PCDHA9: variants seen among roughly 807,000 people sequenced by gnomAD.
PCDHA9 encodes protocadherin alpha-9.
PCDHA9 carries 62 observed loss-of-function variants against 62.0 expected under a neutral mutation model. The observed-to-expected ratio is 1.00, with a 90% CI of 0.81 to 1.23. PCDHA9 has a LOEUF of 1.23. Ranked by LOEUF, PCDHA9 falls within the 50% of genes most tolerant of loss-of-function variation. PCDHA9 has a pLI of 0.00. For synonymous variants in PCDHA9, 557 were observed against 567.6 expected, an observed-to-expected ratio of 0.98 and a Z score of 0.27; for missense variants, 1,205 against 1,249.8, an observed-to-expected ratio of 0.96 and a Z score of 0.54.
rs1331024860 is a variant in PCDHA9 at position 140,849,998 on chromosome 5, G to C, written c.1503G>C (p.Glu501Asp). The C allele has an allele frequency of 6.3e-7, 1 of 1,597,138 alleles. No individual in the cohort carries two copies. Among genetic ancestry groups the C allele is most frequent in the Admixed American group, 1.7e-5 (1 of 59,310 alleles). The stretch of plus-strand genomic sequence containing the variant: ...CGCTGGTGGAGCGGCGGTTGGGCGA[G>C]CGCTCGCTGTCGAGCTACGTGTCAG... ...SYSLVERRLG[E>D]RSLSSYVSVH... The change falls in exon 1 of 4, where the codon GAG (glutamate) becomes GAC (aspartate). Residue 501 changes from glutamate to aspartate, a missense_variant. By Grantham distance (45) the Glu-to-Asp change is conservative (BLOSUM62 2). Coordinates refer to ENST00000532602, the MANE Select transcript of PCDHA9 (RefSeq NM_031857.2).
intron 1 of PCDHA9, chr5:140,927,762 T>A (rs781993567): frequency 1.8e-5 from 29 of 1,613,934 alleles, no homozygotes; most frequent in Non-Finnish European, 2.4e-5. Context: ...ACCCTAAAAG[T>A]GGGGAGGTGC....
At chr5:140,967,970 C>T (rs2096204544) in intron 1 of PCDHA9, 2 of 1,614,202 alleles carry the variant, frequency 1.2e-6, no homozygotes, top group South Asian at 2.2e-5. Context: ...GAAAGTGAGC[C>T]TGGGTCTGGA....
At chr5:140,940,369 T>C (rs1554213311) in intron 1 of PCDHA9, among the ~76,000 whole-genome samples, 1 of 152,212 alleles carries the variant, frequency 6.6e-6, no homozygotes, top group Admixed American at 6.5e-5. Context: ...AAAGTATTCC[T>C]TGAGTTGTTA....
chr5:140,872,873 A>G (rs1419569928), intron 1 of PCDHA9, among the ~76,000 whole-genome samples: 1 of 152,204 alleles, frequency 6.6e-6, no homozygotes, highest in African/African-American at 2.4e-5. Flanking sequence ...GACAATTATC[A>G]GTTTCATTCA....
intron 1 of PCDHA9, among the ~76,000 whole-genome samples, chr5:140,963,886 T>C (rs1211703076): frequency 6.6e-6 from 1 of 152,236 alleles, no homozygotes; most frequent in African/African-American, 2.4e-5. Flanking sequence ...TTGTTTTCCT[T>C]AATTAAAATG....
intron 1 of PCDHA9, among the ~76,000 whole-genome samples, chr5:140,919,626 T>C (rs1554199177): frequency 6.6e-6 from 1 of 152,244 alleles, no homozygotes. Flanking sequence ...TTTTGAGTTA[T>C]TTTCACAGTA....
chr5:140,858,632 C>CT, intron 1 of PCDHA9: 1 of 1,018,812 alleles, frequency 9.8e-7, no homozygotes, highest in Non-Finnish European at 1.4e-6. Context: ...GTGTGTCAGC[C>CT]TTTGATTGGT....
intron 3 of PCDHA9, among the ~76,000 whole-genome samples, chr5:140,993,561 T>C (rs1282310511): frequency 6.6e-6 from 1 of 151,800 alleles, no homozygotes; most frequent in Non-Finnish European, 1.5e-5. Flanking sequence ...GTATATAGTA[T>C]CCTTTCTAGG....
rs1398153775 is a variant in PCDHA9, at chr5:140,869,752, G to T, written c.2394+18863G>T. On this transcript the variant is annotated intron_variant, in intron 1 of 3. Coordinates refer to ENST00000532602, the MANE Select transcript of PCDHA9 (RefSeq NM_031857.2). ...TAATTTGCTGCTAACAGCTACAGAC[G>T]GGGGAAAACCAGAGCTTACTGGCAC... 12 of 1,613,018 alleles carry T rather than the reference G, an allele frequency of 7.4e-6. No homozygotes were observed. The highest frequency in any genetic ancestry group is 1.0e-5 in the Non-Finnish European group (12 of 1,179,744).
At chr5:140,859,490 G>A (rs2045887766) in intron 1 of PCDHA9, 1 of 204,502 alleles carries the variant, frequency 4.9e-6, no homozygotes, top group Non-Finnish European at 9.6e-6. Context: ...CCTGAAATTG[G>A]TTGTTACCTG....
At chr5:140,911,153 C>T (rs921838811) in intron 1 of PCDHA9, among the ~76,000 whole-genome samples, 2 of 152,048 alleles carry the variant, frequency 1.3e-5, no homozygotes, top group Non-Finnish European at 2.9e-5. Flanking sequence ...TCTCCTCAGA[C>T]AAATGTGGAA....
intron 1 of PCDHA9, chr5:140,856,542 C>T (rs1229307542): frequency 6.3e-7 from 1 of 1,598,136 alleles, no homozygotes; most frequent in Non-Finnish European, 8.6e-7. Flanking sequence ...GGAGAGAACG[C>T]ATTGCTTACT....
intron 1 of PCDHA9, among the ~76,000 whole-genome samples, chr5:140,913,939 A>G (rs1175115466): frequency 1.3e-5 from 2 of 152,116 alleles, no homozygotes. Flanking sequence ...TCAGAGAAGA[A>G]TCTTGATATG....
intron 3 of PCDHA9, among the ~76,000 whole-genome samples, chr5:140,985,081 G>C (rs1028077723): frequency 1.3e-5 from 2 of 152,088 alleles, no homozygotes; most frequent in African/African-American, 4.8e-5. Flanking sequence ...GAGACTACAG[G>C]CGTGTGCCAC....
In PCDHA9 at chr5:140,849,616, T is replaced by C. The variant is rs2150442441; in HGVS notation, c.1121T>C (p.Val374Ala). The C allele has an allele frequency of 1.9e-6, 3 of 1,598,578 alleles. No homozygotes were observed. Among genetic ancestry groups the C allele is most frequent in the African/African-American group, 2.7e-5 (2 of 74,348 alleles). The change falls in exon 1 of 4, where the codon GTG (valine) becomes GCG (alanine). Residue 374 changes from valine (V) to alanine (A), a missense_variant. By Grantham distance (64) the Val-to-Ala change is moderately conservative. This residue lies in a region of PCDHA9 where 887 missense variants were observed against 809.5 expected (regional missense o/e 1.10). Coordinates refer to ENST00000532602, the MANE Select transcript of PCDHA9 (RefSeq NM_031857.2). ...GGGACAGTTATTGCCCTGATTAGTG[T>C]GATCGACCTAGACGCAGATGCCAAC... ...QLGTVIALISVIDLDADANGQ... is the reference protein window; with the variant it reads ...QLGTVIALISAIDLDADANGQ...
intron 1 of PCDHA9, among the ~76,000 whole-genome samples, chr5:140,902,516 G>C (rs1410717975): frequency 6.6e-6 from 1 of 151,990 alleles, no homozygotes; most frequent in Non-Finnish European, 1.5e-5. Context: ...GTCATATATG[G>C]TTTTTATTAT....
intron 1 of PCDHA9, chr5:140,966,755 C>G: frequency 2.8e-6 from 4 of 1,434,520 alleles, no homozygotes; most frequent in Non-Finnish European, 1.8e-6. Flanking sequence ...GCCTCCGCCG[C>G]GGCCAGTGGC....
intron 1 of PCDHA9, chr5:140,967,224 A>G (rs2096116008): frequency 6.2e-7 from 1 of 1,613,708 alleles, no homozygotes; most frequent in Non-Finnish European, 8.5e-7. Flanking sequence ...CGGCCCAACT[A>G]CCAGCTTCAG....
Position 140,857,899 on chromosome 5 carries a change from A to G in PCDHA9, c.2394+7010A>G. On this transcript the variant is annotated intron_variant, in intron 1 of 3. Transcript: ENST00000532602. ...AATTGCAGTCGGCGGCGGTTGGTGC[A>G]CGCATCCCGTTTCGCGTGGGGCTGT... 7 of 1,597,716 alleles carry G rather than the reference A, an allele frequency of 4.4e-6. 1 individual carries two copies. The highest frequency in any genetic ancestry group is 6.0e-6 in the Non-Finnish European group (7 of 1,167,490).
Sources: gnomAD v4.1 joint callset for allele counts (sites outside exome capture counted in the v4.1 genomes callset) on GRCh38, gnomAD v4.1.1 for gene constraint, gnomAD v4.1.1 regional missense constraint, MANE v1.5 for transcripts, NCBI Gene and HGNC (gene_info 2026-07-23, HGNC 2026-07-21) for gene names.